The following DOCK2 variants were observed in gnomAD, a reference collection of about 807,000 sequenced individuals.
DOCK2 encodes the protein dedicator of cytokinesis 2.
A neutral mutation model predicts 248.9 loss-of-function variants in DOCK2; 87 were observed. The ratio of observed to expected loss-of-function variants is 0.35; its 90% confidence interval spans 0.29 to 0.42. The LOEUF (loss-of-function observed/expected upper bound fraction) is 0.42, where lower values mean the gene tolerates loss of function less well. Ranked by LOEUF, DOCK2 falls within the 10% of genes least tolerant of loss-of-function variation. DOCK2 has a pLI of 1.00. For missense variants in DOCK2, 1,747 were observed against 2,300.2 expected (o/e 0.76, Z 4.92); for synonymous variants, 805 against 821.6 (o/e 0.98, Z 0.35).
At chr5:169,957,727 A>G (rs1776925393) in intron 27 of DOCK2, among the ~76,000 whole-genome samples, 1 of 152,122 alleles carries the variant, frequency 6.6e-6, no homozygotes, top group Admixed American at 6.5e-5. Flanking sequence ...TTGTGGGGTG[A>G]AGTCCTTTGA....
At chr5:169,826,249 C>T (rs976537504) in intron 26 of DOCK2, among the ~76,000 whole-genome samples, 1 of 152,132 alleles carries the variant, frequency 6.6e-6, no homozygotes, top group African/African-American at 2.4e-5. Flanking sequence ...TCAAAAAGAA[C>T]AAGCAACTTT....
chr5:169,753,383 C>G (rs2625382), intron 23 of DOCK2, among the ~76,000 whole-genome samples: 46,381 of 148,820 alleles, frequency 0.31, 10,437 homozygotes, highest in African/African-American at 0.63. Context: ...GACAGCTCCC[C>G]TGTGTGTTGT....
Position 169,921,707 on chromosome 5 carries a change from T to C in DOCK2, c.2800-61361T>C, listed in dbSNP as rs146575112. Among the ~76,000 whole-genome samples, 188 of 152,280 alleles carry C rather than the reference T, an allele frequency of 1.2e-3. 1 individual carries two copies. The highest frequency in any genetic ancestry group is 2.1e-3 in the South Asian group (10 of 4,828). ...GGAGAAGCCAGTTTTGGAGATGGGATTGCATCCCAGGAGTACATTGAAATG... is the reference window on the plus strand; with the variant it reads ...GGAGAAGCCAGTTTTGGAGATGGGACTGCATCCCAGGAGTACATTGAAATG... On this transcript the variant is annotated intron_variant, in intron 27 of 51. Transcript: ENST00000520908.
chr5:169,730,653 T>C (rs532822388), intron 22 of DOCK2, among the ~76,000 whole-genome samples: 1 of 152,292 alleles, frequency 6.6e-6, no homozygotes, highest in East Asian at 1.9e-4. Context: ...AAACTGTCCA[T>C]TCTTTAATCA....
intron 27 of DOCK2, among the ~76,000 whole-genome samples, chr5:169,936,578 CT>C (rs4041977): frequency 0.25 from 30,961 of 122,646 alleles, 2,875 homozygotes; most frequent in African/African-American, 0.35. Flanking sequence ...TCTCAGACTC[CT>C]TTTTTTTTTT....
chr5:169,864,585 C>T (rs1771420895), intron 27 of DOCK2: 3 of 740,172 alleles, frequency 4.1e-6, no homozygotes, highest in African/African-American at 1.8e-5. Context: ...TCCTTAGGTA[C>T]CTACTGGCTC....
chr5:170,021,585 T>C (rs1755729086), intron 33 of DOCK2, among the ~76,000 whole-genome samples: 2 of 152,168 alleles, frequency 1.3e-5, no homozygotes, highest in African/African-American at 4.8e-5. Context: ...ACCCACCTGT[T>C]TTCTCCGTAT....
intron 22 of DOCK2, among the ~76,000 whole-genome samples, chr5:169,743,825 GAT>G (rs906889707): frequency 1.4e-5 from 2 of 147,438 alleles, no homozygotes; most frequent in Admixed American, 6.8e-5. Context: ...ATATATTTTA[GAT>G]ATATATATTT....
chr5:170,015,551 A>G (rs1755492562), intron 32 of DOCK2, among the ~76,000 whole-genome samples: 1 of 138,368 alleles, frequency 7.2e-6, no homozygotes, highest in Non-Finnish European at 1.5e-5. Context: ...CCCCTTTTGA[A>G]CTGATTTTAG....
At chr5:170,059,422 C>T (rs1309034839) in intron 44 of DOCK2, among the ~76,000 whole-genome samples, 1 of 152,154 alleles carries the variant, frequency 6.6e-6, no homozygotes, top group East Asian at 1.9e-4. Flanking sequence ...GCCCTGTCAC[C>T]TGGTGGTGCT....
intron 26 of DOCK2, among the ~76,000 whole-genome samples, chr5:169,811,961 G>A (rs946247939): frequency 1.3e-5 from 2 of 152,204 alleles, no homozygotes; most frequent in Non-Finnish European, 2.9e-5. Flanking sequence ...CCTAACATGT[G>A]CTCTATTCTG....
At chr5:170,034,588 G>C in intron 35 of DOCK2, 33 bp downstream of exon 35, 2 of 1,611,520 alleles carry the variant, frequency 1.2e-6, no homozygotes, top group Non-Finnish European at 1.7e-6. Context: ...AGTCAGACCA[G>C]AACCCTGTGG....
chr5:169,681,136 T>A, intron 6 of DOCK2, among the ~76,000 whole-genome samples: 1 of 143,622 alleles, frequency 7.0e-6, no homozygotes, highest in Non-Finnish European at 1.5e-5. Flanking sequence ...TTTTTTTTTT[T>A]TTTCTGAGAT....
chr5:169,812,146 G>T (rs745615395), intron 26 of DOCK2, among the ~76,000 whole-genome samples: 3 of 152,190 alleles, frequency 2.0e-5, no homozygotes, highest in Admixed American at 6.5e-5. Flanking sequence ...GCTGGAGAGC[G>T]AGTAAAACTT....
intron 25 of DOCK2, among the ~76,000 whole-genome samples, chr5:169,774,461 A>G (rs866644606): frequency 6.6e-6 from 1 of 152,336 alleles, no homozygotes. Context: ...AAAACTTGCC[A>G]ATAGTTACAC....
chr5:169,891,640 T>C (rs541325408), intron 27 of DOCK2, among the ~76,000 whole-genome samples: 2 of 151,846 alleles, frequency 1.3e-5, no homozygotes, highest in Non-Finnish European at 2.9e-5. Context: ...ATTATAGAGA[T>C]GGGGAAACTA....
At chr5:169,817,784 C>T (rs553295829) in intron 26 of DOCK2, among the ~76,000 whole-genome samples, 10 of 152,180 alleles carry the variant, frequency 6.6e-5, no homozygotes, top group South Asian at 2.1e-4. Context: ...TCCAGTCTTA[C>T]GTTTCTCCCG....
chr5:169,722,517 G>A (rs1186776565), intron 22 of DOCK2, among the ~76,000 whole-genome samples: 1 of 152,212 alleles, frequency 6.6e-6, no homozygotes, highest in Non-Finnish European at 1.5e-5. Context: ...AGATGTTCAT[G>A]CAGGACAGAC....
chr5:170,008,508 C>T lies in DOCK2; in HGVS notation c.3084C>T (p.Asn1028=), dbSNP rs1454831043. 1.2e-6 allele frequency: 2 copies of T among 1,614,002 alleles called. No homozygotes were observed. Among genetic ancestry groups the T allele is most frequent in the Non-Finnish European group, 1.7e-6 (2 of 1,179,968 alleles). The change falls in exon 31 of 52, where the codon AAC becomes AAT. Residue 1028 remains asparagine (N), a synonymous_variant. Coordinates refer to ENST00000520908, the MANE Select transcript of DOCK2 (RefSeq NM_004946.3). ...HTNFEFQLWN[N]YFHLAVAFIT... ...TCTTTCATTTACAGCTGTGGAACAA[C>T]TATTTTCATCTGGCAGTGGCTTTTA... is the stretch of plus-strand genomic sequence containing the variant.
Sources: allele counts gnomAD v4.1 joint callset (sites outside exome capture counted in the v4.1 genomes callset), GRCh38; gene constraint gnomAD v4.1.1; transcripts MANE v1.5; gene names NCBI Gene and HGNC (gene_info 2026-07-23, HGNC 2026-07-21).